The following NXPH4 variants were observed in gnomAD, a reference collection of about 807,000 sequenced individuals.
NXPH4 encodes the protein neurexophilin-4.
NXPH4 carries 8 observed loss-of-function variants against 21.3 expected under a neutral mutation model. The ratio of observed to expected loss-of-function variants is 0.38; its 90% confidence interval spans 0.22 to 0.68. The LOEUF (loss-of-function observed/expected upper bound fraction) is 0.68, where lower values mean the gene tolerates loss of function less well. Among genes scored for constraint, NXPH4 ranks in the 30% least tolerant of loss-of-function variants. NXPH4 has a pLI of 0.53. For synonymous variants in NXPH4, 219 were observed against 192.6 expected, an observed-to-expected ratio of 1.14 and a Z score of -1.13; for missense variants, 418 against 416.8, an observed-to-expected ratio of 1.00 and a Z score of -0.03.
At chr12:57,218,966 A>G (rs2037064496) in intron 1 of NXPH4, among the ~76,000 whole-genome samples, 2 of 117,364 alleles carry the variant, frequency 1.7e-5, no homozygotes, top group Admixed American at 8.8e-5. Context: ...GGGGTTTGTG[A>G]GTGTGTTTCT....
chr12:57,224,365 G>T (rs759809118), intron 1 of NXPH4, among the ~76,000 whole-genome samples: 25 of 152,060 alleles, frequency 1.6e-4, no homozygotes, highest in Admixed American at 3.3e-4. Flanking sequence ...CAGGCAATCT[G>T]CCCACCTCAG....
In NXPH4 at chr12:57,225,635, A is replaced by G; in HGVS notation, c.815A>G (p.Lys272Arg). The change falls in exon 2 of 2, where the codon AAG becomes AGG. Residue 272 changes from lysine to arginine, a missense_variant. By Grantham distance (26) the Lys-to-Arg change is conservative. Coordinates refer to ENST00000349394, the MANE Select transcript of NXPH4 (RefSeq NM_007224.4). Reference protein sequence around the residue: ...TQSQAAWLCAKPFKVICIFVS... With the variant: ...TQSQAAWLCARPFKVICIFVS... ...AGCCAGGCCGCCTGGCTCTGTGCCAAGCCCTTCAAAGTCATCTGTATCTTC... is the reference window on the plus strand; with the variant it reads ...AGCCAGGCCGCCTGGCTCTGTGCCAGGCCCTTCAAAGTCATCTGTATCTTC... 1 of 1,613,780 alleles carries G rather than the reference A, an allele frequency of 6.2e-7. No homozygotes were observed. Among genetic ancestry groups the G allele is most frequent in the East Asian group, 2.2e-5 (1 of 44,870 alleles).
intron 1 of NXPH4, chr12:57,221,606 A>C: frequency 3.1e-6 from 1 of 326,116 alleles, no homozygotes; most frequent in Non-Finnish European, 6.2e-6. Context: ...CGCTCCCCGA[A>C]TGGGCCTGAA....
intron 1 of NXPH4, 54 bp from the exon 2 acceptor site, chr12:57,224,824 C>T (rs2037125143): frequency 1.8e-6 from 1 of 567,318 alleles, no homozygotes; most frequent in Admixed American, 3.1e-5. Flanking sequence ...AGGGCTCTGG[C>T]AGGATGGCGG....
In NXPH4 at chr12:57,225,981, G is replaced by C; in HGVS notation, c.*234G>C. ...GTACACCCCAAAGTGAAAGGGATAAGAGTGCAGCCCCAGAATAGGCGGGGC... is the reference window on the plus strand; with the variant it reads ...GTACACCCCAAAGTGAAAGGGATAACAGTGCAGCCCCAGAATAGGCGGGGC... On this transcript the variant is annotated 3_prime_UTR_variant, in exon 2 of 2. Transcript: ENST00000349394. 7.2e-7 allele frequency: 1 copy of C among 1,392,984 alleles called. No individual in the cohort carries two copies. The highest frequency in any genetic ancestry group is 9.4e-7 in the Non-Finnish European group (1 of 1,065,618). The allele number at this position is 1,392,984 out of a possible 1,614,324, so 86.3% of individuals were successfully genotyped here. A position where few individuals can be genotyped will look rare whatever the true frequency, so the allele number is the denominator to read the frequency against.
intron 1 of NXPH4, among the ~76,000 whole-genome samples, chr12:57,224,401 C>T (rs1592675128): frequency 6.6e-6 from 1 of 152,202 alleles, no homozygotes; most frequent in African/African-American, 2.4e-5. Flanking sequence ...GGATTACAGG[C>T]GTGAGTCACC....
intron 1 of NXPH4, among the ~76,000 whole-genome samples, chr12:57,217,375 A>G (rs907116371): frequency 6.6e-6 from 1 of 152,142 alleles, no homozygotes; most frequent in African/African-American, 2.4e-5. Context: ...TTTCCGCGCC[A>G]GTCTCGCTCG....
intron 1 of NXPH4, among the ~76,000 whole-genome samples, chr12:57,220,739 C>G (rs2037083489): frequency 6.6e-6 from 1 of 151,882 alleles, no homozygotes; most frequent in Non-Finnish European, 1.5e-5. Flanking sequence ...CAGCCCCTGT[C>G]TCTGTCCCCG....
At chr12:57,221,205 T>C in intron 1 of NXPH4, 1 of 396,460 alleles carries the variant, frequency 2.5e-6, no homozygotes, top group Non-Finnish European at 5.3e-6. Context: ...CACCCACATC[T>C]CTATCCCTCG....
In NXPH4 at chr12:57,223,177, T is replaced by C. The variant is rs569341862; in HGVS notation, c.58-1701T>C. On this transcript the variant is annotated intron_variant, in intron 1 of 1. Coordinates refer to ENST00000349394, the MANE Select transcript of NXPH4 (RefSeq NM_007224.4). ...ACCACACTTGTTCTATGACTACGGA[T>C]ACACCCCCTTTAGAAAGAGCTTGAC... Among the ~76,000 whole-genome samples the C allele has an allele frequency of 3.3e-5, 5 of 152,158 alleles. No individual in the cohort carries two copies. The South Asian group carries it at 1.0e-3, about 32-fold the overall frequency.
In NXPH4 at chr12:57,226,329, G is replaced by A. The variant is rs1189908832; in HGVS notation, c.*582G>A. On this transcript the variant is annotated 3_prime_UTR_variant, in exon 2 of 2. Coordinates refer to ENST00000349394, the MANE Select transcript of NXPH4 (RefSeq NM_007224.4). Reference sequence around the variant, plus strand: ...CTGCCCCCGGCCCCTGCCCCTGCCCGCCCCCCTCCAGTCCAGGCAGTCGAG... The same window carrying A: ...CTGCCCCCGGCCCCTGCCCCTGCCCACCCCCCTCCAGTCCAGGCAGTCGAG... 5.8e-5 allele frequency: 6 copies of A among 103,442 alleles called. No individual in the cohort carries two copies. Among genetic ancestry groups the A allele is most frequent in the Non-Finnish European group, 9.6e-5 (6 of 62,270 alleles). The allele number at this position is 103,442 out of a possible 1,614,324, so 6.4% of individuals were successfully genotyped here.
intron 1 of NXPH4, chr12:57,221,694 C>T (rs1474341381): frequency 2.9e-5 from 8 of 271,188 alleles, no homozygotes; most frequent in African/African-American, 4.4e-5. Flanking sequence ...CTCTCCCCTC[C>T]GCAAATGTCA....
chr12:57,220,512 G>T (rs1316882204), intron 1 of NXPH4, among the ~76,000 whole-genome samples: 4 of 152,220 alleles, frequency 2.6e-5, no homozygotes, highest in African/African-American at 7.2e-5. Context: ...TGAGCCTTGC[G>T]CGGCAGGCCA....
rs975791661 is a variant in NXPH4 at position 57,226,168 on chromosome 12, T to C, written c.*421T>C. Reference sequence around the variant, plus strand: ...CCCCAGCGCTTGTCCTGCTTCACCCTACCCCGCCTAAGACTGTAAAGGCCT... The same window carrying C: ...CCCCAGCGCTTGTCCTGCTTCACCCCACCCCGCCTAAGACTGTAAAGGCCT... On this transcript the variant is annotated 3_prime_UTR_variant, in exon 2 of 2. Coordinates refer to ENST00000349394, the MANE Select transcript of NXPH4 (RefSeq NM_007224.4). 7.0e-6 allele frequency: 3 copies of C among 431,566 alleles called. No homozygotes were observed. Among genetic ancestry groups the C allele is most frequent in the South Asian group, 7.6e-5 (1 of 13,232 alleles). 26.7% of individuals were successfully genotyped at this position (431,566 alleles called of 1,614,324 possible).
rs756949222 is a variant in NXPH4, at chr12:57,225,300, T to C, written c.480T>C (p.Arg160=). ...TCAGCATCGTGCCGCCCTCCAAGCG[T>C]GTCGAGTTCGGAGGAGTCTGGCTGC... The part of the protein sequence containing the change: ...LSVSIVPPSK[R]VEFGGVWLPG... The change falls in exon 2 of 2, where the codon CGT becomes CGC. Residue 160 remains arginine, a synonymous_variant. Coordinates refer to ENST00000349394, the MANE Select transcript of NXPH4 (RefSeq NM_007224.4). 1 of 1,554,680 alleles carries C rather than the reference T, an allele frequency of 6.4e-7. No homozygotes were observed.
rs1308927275 is a variant in NXPH4, at chr12:57,217,029, A to G, written c.57+3A>G. ...TTGGCCCGTGGCTCCTTAGGAAGGT[A>G]AGAGTGGCAGGGCTGGGGCGCTAGC... On this transcript the variant is annotated splice_donor_region_variant and intron_variant, in intron 1 of 1. Coordinates refer to ENST00000349394, the MANE Select transcript of NXPH4 (RefSeq NM_007224.4). The G allele has an allele frequency of 6.2e-7, 1 of 1,602,208 alleles. No individual in the cohort carries two copies. The highest frequency in any genetic ancestry group is 8.5e-7 in the Non-Finnish European group (1 of 1,174,866).
intron 1 of NXPH4, among the ~76,000 whole-genome samples, chr12:57,223,389 C>T (rs2037110623): frequency 6.6e-6 from 1 of 152,134 alleles, no homozygotes; most frequent in Non-Finnish European, 1.5e-5. Context: ...TACACACAGT[C>T]ACCGATTTAC....
Position 57,224,956 on chromosome 12 carries a change from C to A in NXPH4, c.136C>A (p.Pro46Thr). 7.1e-7 allele frequency: 1 copy of A among 1,412,296 alleles called. No homozygotes were observed. Among genetic ancestry groups the A allele is most frequent in the Non-Finnish European group, 9.2e-7 (1 of 1,081,968 alleles). The allele number at this position is 1,412,296 out of a possible 1,614,324, so 87.5% of individuals were successfully genotyped here. ...CCCCGCCGCGGCCGGAGCGGGTGCC[C>A]CCGGCCAGCAGCTCCCAGAGCCAAG... ...LRPAAAGAGA[P>T]GQQLPEPRSS... Residue 46 changes from proline (P) to threonine (T), a missense_variant, in exon 2 of 2, where the codon CCC becomes ACC. Pro to Thr is a conservative substitution (Grantham distance 38). Coordinates refer to ENST00000349394, the MANE Select transcript of NXPH4 (RefSeq NM_007224.4).
chr12:57,225,675 C>G lies in NXPH4; in HGVS notation c.855C>G (p.Ser285Arg). 6.2e-7 allele frequency: 1 copy of G among 1,613,960 alleles called. No individual in the cohort carries two copies. Among genetic ancestry groups the G allele is most frequent in the African/African-American group, 1.3e-5 (1 of 75,050 alleles). ...TCTGTATCTTCGTCTCTTTCCTCAG[C>G]TTTGACTACAAACTGGTGCAGAAGG... ...KVICIFVSFL[S>R]FDYKLVQKVC... is the part of the protein sequence containing the mutation. The change falls in exon 2 of 2, where the codon AGC becomes AGG. Residue 285 changes from serine to arginine, a missense_variant. Coordinates refer to ENST00000349394, the MANE Select transcript of NXPH4 (RefSeq NM_007224.4).
Sources: allele counts gnomAD v4.1 joint callset (sites outside exome capture counted in the v4.1 genomes callset), GRCh38; gene constraint gnomAD v4.1.1; transcripts MANE v1.5; gene names NCBI Gene and HGNC (gene_info 2026-07-23, HGNC 2026-07-21).